The following DNAJC5 variants were observed in gnomAD, a reference collection of about 807,000 sequenced individuals.
The protein encoded by DNAJC5 is dnaJ homolog subfamily C member 5.
A neutral mutation model predicts 23.2 loss-of-function variants in DNAJC5; 1 was observed. The observed-to-expected ratio is 0.04, with a 90% confidence interval of 0.02 to 0.20. The LOEUF (loss-of-function observed/expected upper bound fraction) is 0.20, where lower values mean the gene tolerates loss of function less well. Ranked by LOEUF, DNAJC5 falls within the 10% of genes least tolerant of loss-of-function variation. The pLI, the probability that DNAJC5 is intolerant of heterozygous loss-of-function variation, is 1.00. For synonymous variants in DNAJC5, 136 were observed against 120.0 expected (o/e 1.13, Z -0.87); for missense variants, 180 against 267.0 (o/e 0.67, Z 2.27).
At chr20:63,925,609 A>G (rs150102912) in intron 1 of DNAJC5, among the ~76,000 whole-genome samples, 195 of 152,204 alleles carry the variant, frequency 1.3e-3, no homozygotes, top group African/African-American at 4.5e-3. Flanking sequence ...CTTGTAGCTC[A>G]GCTGTCAGGC....
chr20:63,919,365 G>A (rs1208734305), intron 1 of DNAJC5: 4 of 516,884 alleles, frequency 7.7e-6, no homozygotes. Flanking sequence ...TGGCACCGAC[G>A]TGTCCGGGGA....
rs1227078334 is a variant in DNAJC5, at chr20:63,928,366, C to T, written c.21C>T (p.Arg7=). Residue 7 remains arginine, a synonymous_variant, in exon 2 of 5, where the codon CGC becomes CGT. Transcript: ENST00000360864. The surrounding 1 kb of genome is among the most constrained non-coding windows in gnomAD (Gnocchi z 4.6). MADQRQ[R]SLSTSGESLY... ...CTAACATGGCAGACCAGAGACAGCG[C>T]TCACTGTCTACCTCTGGGGAGTCAT... 2.0e-5 allele frequency: 33 copies of T among 1,613,644 alleles called. No homozygotes were observed. The highest frequency in any genetic ancestry group is 2.7e-5 in the Non-Finnish European group (32 of 1,179,770).
At chr20:63,924,722 G>A (rs1436570667) in intron 1 of DNAJC5, among the ~76,000 whole-genome samples, 3 of 152,248 alleles carry the variant, frequency 2.0e-5, no homozygotes, top group Non-Finnish European at 4.4e-5. Context: ...AGTGGTGCGT[G>A]CCTGTAGTCC....
rs145416495 is a variant in DNAJC5 at position 63,917,337 on chromosome 20, C to T, written c.-11-10998C>T. Among the ~76,000 whole-genome samples, 1,086 of 152,228 alleles carry T rather than the reference C, an allele frequency of 7.1e-3. 14 individuals are homozygous for T. The highest frequency in any genetic ancestry group is 0.025 in the African/African-American group (1,031 of 41,528). On this transcript the variant is annotated intron_variant, in intron 1 of 4. Transcript: ENST00000360864. Reference sequence around the variant, plus strand: ...TGGTGTGATCTTGGCTCACTGCAGCCGCCGCCTCCTGGGTTCAAGCGATTC... The same window carrying T: ...TGGTGTGATCTTGGCTCACTGCAGCTGCCGCCTCCTGGGTTCAAGCGATTC...
intron 1 of DNAJC5, among the ~76,000 whole-genome samples, chr20:63,906,083 G>A (rs960399283): frequency 4.6e-5 from 7 of 151,884 alleles, no homozygotes; most frequent in Non-Finnish European, 7.4e-5. Context: ...AAAATTCTAC[G>A]CGACAATAAT....
chr20:63,931,864 C>T lies in DNAJC5; in HGVS notation c.*296C>T. 2.3e-6 allele frequency: 1 copy of T among 441,546 alleles called. No individual in the cohort carries two copies. Among genetic ancestry groups the T allele is most frequent in the Non-Finnish European group, 4.3e-6 (1 of 235,264 alleles). 27.4% of individuals were successfully genotyped at this position (441,546 alleles called of 1,614,324 possible). On this transcript the variant is annotated 3_prime_UTR_variant, in exon 5 of 5. Coordinates refer to ENST00000360864, the MANE Select transcript of DNAJC5 (RefSeq NM_025219.3). The surrounding 1 kb of genome is among the most constrained non-coding windows in gnomAD (Gnocchi z 9.6). The stretch of plus-strand genomic sequence containing the variant: ...TTCCGCGGCATGACCGCGTGAACTG[C>T]ACGGTGGAGCTGCCTCAGGGCTGTC...
chr20:63,925,754 C>CA (rs11474228), intron 1 of DNAJC5, among the ~76,000 whole-genome samples: 1 of 148,428 alleles, frequency 6.7e-6, no homozygotes, highest in African/African-American at 2.5e-5. Flanking sequence ...GAGACTATCT[C>CA]AAAACCCCAT....
At chr20:63,909,083 T>G (rs1322701922) in intron 1 of DNAJC5, 1 of 152,130 alleles carries the variant, frequency 6.6e-6, no homozygotes, top group East Asian at 1.9e-4. Context: ...CTGCGTAATT[T>G]GTGGTAGTGG....
rs377198126 is a variant in DNAJC5 at position 63,930,928 on chromosome 20, C to T, written c.399C>T (p.Cys133=). ...TGTGCTGCTGCTTCAACTGCTGCTG[C>T]GGGAAGTGTAAGCCCAAGGCGCCTG... ...CCLCCCFNCC[C]GKCKPKAPEG... Residue 133 remains cysteine (C), a synonymous_variant, in exon 4 of 5, where the codon TGC becomes TGT. Transcript: ENST00000360864. 3.1e-6 allele frequency: 5 copies of T among 1,614,026 alleles called. No homozygotes were observed. The highest frequency in any genetic ancestry group is 1.3e-5 in the African/African-American group (1 of 74,952).
intron 1 of DNAJC5, among the ~76,000 whole-genome samples, chr20:63,899,841 A>G (rs905455054): frequency 3.3e-5 from 5 of 150,088 alleles, no homozygotes; most frequent in Non-Finnish European, 7.4e-5. Context: ...TTGGCCTCCC[A>G]AAGTGCTGGG....
intron 1 of DNAJC5, among the ~76,000 whole-genome samples, chr20:63,904,985 G>A (rs2053438002): frequency 6.7e-6 from 1 of 148,706 alleles, no homozygotes; most frequent in African/African-American, 2.5e-5. Context: ...TGTATTTTTA[G>A]TCTAGACGGG....
intron 1 of DNAJC5, among the ~76,000 whole-genome samples, chr20:63,900,655 A>C (rs1034171636): frequency 2.6e-5 from 4 of 151,838 alleles, no homozygotes. Context: ...CATATGCCAC[A>C]ATTTAACTTT....
intron 1 of DNAJC5, among the ~76,000 whole-genome samples, chr20:63,901,192 T>A (rs1014109855): frequency 6.6e-6 from 1 of 152,250 alleles, no homozygotes; most frequent in African/African-American, 2.4e-5. Flanking sequence ...CTCAAACTCC[T>A]GAACTCAAGT....
chr20:63,915,633 C>T (rs185911313), intron 1 of DNAJC5, among the ~76,000 whole-genome samples: 7 of 152,268 alleles, frequency 4.6e-5, no homozygotes, highest in Admixed American at 6.5e-5. Context: ...GGAGCCTGGC[C>T]GTACCAGTCA....
At chr20:63,895,498 G>T (rs1600855110) in intron 1 of DNAJC5, among the ~76,000 whole-genome samples, 175 bp downstream of exon 1, 1 of 147,608 alleles carries the variant, frequency 6.8e-6, no homozygotes, top group African/African-American at 2.4e-5. Flanking sequence ...CGCGGCCTGG[G>T]CCGGGGCGGG....
At chr20:63,895,487 C>G (rs1455992592) in intron 1 of DNAJC5, among the ~76,000 whole-genome samples, 164 bp downstream of exon 1, 1 of 146,808 alleles carries the variant, frequency 6.8e-6, no homozygotes, top group Non-Finnish European at 1.5e-5. Flanking sequence ...TGCTGCGACG[C>G]CGCGGCCTGG....
In DNAJC5 at chr20:63,934,953, C is replaced by A. The variant is rs945605215; in HGVS notation, c.*3385C>A. 6.6e-6 allele frequency: 1 copy of A among 152,286 alleles called. No homozygotes were observed. The highest frequency in any genetic ancestry group is 1.5e-5 in the Non-Finnish European group (1 of 68,074). The allele number at this position is 152,286 out of a possible 1,614,324, so 9.4% of individuals were successfully genotyped here. ...TCAGCGCTTGTCCACCCTCCCTTAG[C>A]TCTGACTCAGTGCATCCTACTGTGG... is the stretch of plus-strand genomic sequence containing the variant. On this transcript the variant is annotated 3_prime_UTR_variant, in exon 5 of 5. Transcript: ENST00000360864.
chr20:63,912,728 C>T (rs1056278496), intron 1 of DNAJC5, among the ~76,000 whole-genome samples: 13 of 152,166 alleles, frequency 8.5e-5, no homozygotes, highest in Non-Finnish European at 1.3e-4. Context: ...GTGACTCAGC[C>T]TCACGAGTAG....
chr20:63,930,791 C>T lies in DNAJC5; in HGVS notation c.322-60C>T, dbSNP rs2053662511. ...CTTCTGCTGAGGGCATTTGGGAGTC[C>T]TGCGCCTCCCTCTCCAGGGGCCTCG... On this transcript the variant is annotated intron_variant, in intron 3 of 4. Coordinates refer to ENST00000360864, the MANE Select transcript of DNAJC5 (RefSeq NM_025219.3). 4 of 1,608,360 alleles carry T rather than the reference C, an allele frequency of 2.5e-6. No individual in the cohort carries two copies. In the South Asian group the frequency reaches 3.3e-5, roughly 13 times the overall value.
Sources: gnomAD v4.1 joint callset for allele counts (sites outside exome capture counted in the v4.1 genomes callset) on GRCh38, gnomAD v4.1.1 for gene constraint, Gnocchi (gnomAD v3.1) non-coding constraint, MANE v1.5 for transcripts, NCBI Gene and HGNC (gene_info 2026-07-23, HGNC 2026-07-21) for gene names.